Variants in DLG2 observed in about 807,000 individuals in gnomAD.
The protein encoded by DLG2 is discs large MAGUK scaffold protein 2, also known as disks large homolog 2.
A neutral mutation model predicts 132.5 loss-of-function variants in DLG2; 45 were observed. That is an observed-to-expected ratio of 0.34 (90% CI 0.27 to 0.44). DLG2 has a LOEUF of 0.44. DLG2 is among the 20% of genes least tolerant of loss of function. The probability of loss-of-function intolerance (pLI) is 1.00; values close to 1 mark genes in which losing one functional copy is unlikely to be tolerated. For synonymous variants in DLG2, 424 were observed against 419.6 expected (o/e 1.01, Z -0.13); for missense variants, 1,045 against 1,196.9 (o/e 0.87, Z 1.87).
chr11:84,015,678 C>T (rs942254259), intron 11 of DLG2, among the ~76,000 whole-genome samples: 4 of 152,068 alleles, frequency 2.6e-5, no homozygotes, highest in African/African-American at 9.7e-5. Context: ...AAATAATGGC[C>T]TCTAGCTCCA....
At chr11:83,475,912 T>A (rs1364795531) in intron 22 of DLG2, among the ~76,000 whole-genome samples, 1 of 151,928 alleles carries the variant, frequency 6.6e-6, no homozygotes, top group Non-Finnish European at 1.5e-5. Flanking sequence ...TGGCTGAAAG[T>A]GGGAGAGCAG....
intron 3 of DLG2, among the ~76,000 whole-genome samples, chr11:85,418,719 T>G (rs545763822): frequency 1.3e-5 from 2 of 152,312 alleles, no homozygotes; most frequent in Admixed American, 6.5e-5. Flanking sequence ...TCTTTTTTAC[T>G]CTTTGTTGGT....
chr11:84,344,276 A>T (rs1466048947), intron 7 of DLG2, among the ~76,000 whole-genome samples: 1 of 152,128 alleles, frequency 6.6e-6, no homozygotes, highest in South Asian at 2.1e-4. Flanking sequence ...CTTGTGTGTA[A>T]AATGTCTGTA....
intron 4 of DLG2, among the ~76,000 whole-genome samples, chr11:85,174,632 GAC>G (rs1462806372): frequency 1.3e-5 from 2 of 152,004 alleles, no homozygotes; most frequent in African/African-American, 4.8e-5. Context: ...GAACTAAGGA[GAC>G]AGAGACATGA....
chr11:85,298,977 A>C (rs1021579085), intron 3 of DLG2, among the ~76,000 whole-genome samples: 1 of 152,184 alleles, frequency 6.6e-6, no homozygotes, highest in African/African-American at 2.4e-5. Context: ...TATTTCTAAA[A>C]AACAAAGAAA....
intron 19 of DLG2, among the ~76,000 whole-genome samples, chr11:83,547,547 A>AAACTTTTAC (rs2096272092): frequency 1.3e-5 from 2 of 152,236 alleles, no homozygotes; most frequent in South Asian, 4.1e-4. Flanking sequence ...CAAGCCAAGG[A>AAACTTTTAC]AAATGGTGGC....
At chr11:84,568,962 G>C (rs954277777) in intron 6 of DLG2, among the ~76,000 whole-genome samples, 1 of 152,122 alleles carries the variant, frequency 6.6e-6, no homozygotes. Context: ...TTATAGCCTA[G>C]CCTGCAGCCC....
intron 3 of DLG2, among the ~76,000 whole-genome samples, chr11:85,491,008 A>T (rs1464910254): frequency 6.6e-6 from 1 of 152,168 alleles, no homozygotes; most frequent in African/African-American, 2.4e-5. Context: ...ATGAATATAT[A>T]CATAAAAACT....
chr11:84,074,590 G>A (rs556954439), intron 10 of DLG2, among the ~76,000 whole-genome samples: 5 of 149,414 alleles, frequency 3.3e-5, no homozygotes, highest in Non-Finnish European at 5.9e-5. Context: ...GTGCAGTGGC[G>A]TGATCTCGGC....
intron 4 of DLG2, among the ~76,000 whole-genome samples, chr11:85,213,131 T>C (rs1394594959): frequency 1.3e-5 from 2 of 152,154 alleles, no homozygotes. Flanking sequence ...GAATTTGCCA[T>C]AATGATTCCA....
intron 6 of DLG2, among the ~76,000 whole-genome samples, chr11:85,020,218 G>A (rs1202261166): frequency 6.6e-6 from 1 of 152,168 alleles, no homozygotes; most frequent in Non-Finnish European, 1.5e-5. Context: ...CTGATGGCCA[G>A]TAATGATGAG....
intron 7 of DLG2, among the ~76,000 whole-genome samples, chr11:84,533,266 G>A (rs1280792644): frequency 6.6e-6 from 1 of 152,122 alleles, no homozygotes; most frequent in Non-Finnish European, 1.5e-5. Flanking sequence ...GCATGACATC[G>A]ATGTCGTGTT....
intron 5 of DLG2, among the ~76,000 whole-genome samples, chr11:85,112,214 T>C (rs2072884747): frequency 6.6e-6 from 1 of 152,066 alleles, no homozygotes; most frequent in African/African-American, 2.4e-5. Flanking sequence ...TTGAAAGGGA[T>C]AGATCTCAGA....
At chr11:85,217,584 G>T (rs2082706898) in intron 4 of DLG2, among the ~76,000 whole-genome samples, 1 of 152,160 alleles carries the variant, frequency 6.6e-6, no homozygotes, top group African/African-American at 2.4e-5. Context: ...CTACTATGCT[G>T]TCTTAGTTAG....
chr11:83,535,472 GT>G (rs1166767734), intron 20 of DLG2, among the ~76,000 whole-genome samples: 1 of 152,010 alleles, frequency 6.6e-6, no homozygotes, highest in Non-Finnish European at 1.5e-5. Flanking sequence ...CCATTTCTAT[GT>G]TTATCCTTTT....
intron 3 of DLG2, among the ~76,000 whole-genome samples, chr11:85,332,386 T>A (rs903846357): frequency 6.6e-6 from 1 of 152,188 alleles, no homozygotes; most frequent in Non-Finnish European, 1.5e-5. Flanking sequence ...AATGCACAGA[T>A]TGCAAATATT....
intron 2 of DLG2, among the ~76,000 whole-genome samples, chr11:85,601,345 C>T (rs2080142789): frequency 6.9e-6 from 1 of 145,072 alleles, no homozygotes; most frequent in Non-Finnish European, 1.5e-5. Flanking sequence ...TTGAGTTTAA[C>T]TTTTTTTTTT....
chr11:85,229,689 A>T (rs528559176), intron 4 of DLG2, among the ~76,000 whole-genome samples: 1 of 152,268 alleles, frequency 6.6e-6, no homozygotes, highest in African/African-American at 2.4e-5. Flanking sequence ...ACACATGCAC[A>T]CATATGTTTA....
At chr11:84,149,132 T>C (rs2095202119) in intron 9 of DLG2, among the ~76,000 whole-genome samples, 1 of 152,180 alleles carries the variant, frequency 6.6e-6, no homozygotes, top group Admixed American at 6.5e-5. Context: ...CCTTTGTAGA[T>C]GTATAGTTTG....
Sources: gnomAD v4.1 joint callset for allele counts (sites outside exome capture counted in the v4.1 genomes callset) on GRCh38, gnomAD v4.1.1 for gene constraint, MANE v1.5 for transcripts, NCBI Gene and HGNC (gene_info 2026-07-23, HGNC 2026-07-21) for gene names.